Variants in FBXL7 observed in about 807,000 individuals in gnomAD.
FBXL7 encodes the protein F-box/LRR-repeat protein 7.
FBXL7 carries 12 observed loss-of-function variants against 38.3 expected under a neutral mutation model. That is an observed-to-expected ratio of 0.31 (90% CI 0.20 to 0.51). The LOEUF is 0.51. Ranked by LOEUF, FBXL7 falls within the 20% of genes least tolerant of loss-of-function variation. FBXL7 has a pLI of 0.98. For synonymous variants in FBXL7, 297 were observed against 300.9 expected, an observed-to-expected ratio of 0.99 and a Z score of 0.13; for missense variants, 567 against 676.4, an observed-to-expected ratio of 0.84 and a Z score of 1.79.
At chr5:15,692,065 G>A (rs541555853) in intron 2 of FBXL7, among the ~76,000 whole-genome samples, 1 of 152,278 alleles carries the variant, frequency 6.6e-6, no homozygotes, top group South Asian at 2.1e-4. Flanking sequence ...CCATGATGGG[G>A]TGAGAGCCAG....
chr5:15,768,355 C>T (rs890582800), intron 2 of FBXL7, among the ~76,000 whole-genome samples: 4 of 151,854 alleles, frequency 2.6e-5, no homozygotes, highest in African/African-American at 9.7e-5. Flanking sequence ...CACGGTGAAA[C>T]CCAGTCCCTA....
chr5:15,842,085 A>T (rs939673599), intron 2 of FBXL7, among the ~76,000 whole-genome samples: 1 of 152,192 alleles, frequency 6.6e-6, no homozygotes, highest in African/African-American at 2.4e-5. Context: ...TAGATCCACC[A>T]ACAGCTTGCA....
intron 2 of FBXL7, among the ~76,000 whole-genome samples, chr5:15,661,152 C>CT (rs1014773584): frequency 1.3e-5 from 2 of 151,838 alleles, no homozygotes; most frequent in Non-Finnish European, 2.9e-5. Context: ...TTTATTTCTA[C>CT]TTTTTTTTGT....
At chr5:15,765,269 TG>T (rs1219068876) in intron 2 of FBXL7, among the ~76,000 whole-genome samples, 2 of 152,128 alleles carry the variant, frequency 1.3e-5, no homozygotes, top group Non-Finnish European at 2.9e-5. Flanking sequence ...ATCTTGGTAC[TG>T]AGACGTACAT....
At chr5:15,543,687 G>A (rs1482713602) in intron 1 of FBXL7, among the ~76,000 whole-genome samples, 3 of 152,234 alleles carry the variant, frequency 2.0e-5, no homozygotes, top group South Asian at 2.1e-4. Context: ...GTTATCAGTC[G>A]CATGTGCTAA....
At chr5:15,918,700 C>G (rs1741664666) in intron 2 of FBXL7, among the ~76,000 whole-genome samples, 1 of 152,200 alleles carries the variant, frequency 6.6e-6, no homozygotes, top group Non-Finnish European at 1.5e-5. Flanking sequence ...CCATCCTCGC[C>G]AATTTCCCAC....
chr5:15,890,887 A>G (rs1310849445), intron 2 of FBXL7, among the ~76,000 whole-genome samples: 2 of 152,168 alleles, frequency 1.3e-5, no homozygotes, highest in Non-Finnish European at 2.9e-5. Context: ...CTGATCATAA[A>G]TGTGGTGATA....
chr5:15,535,404 T>C (rs1473219270), intron 1 of FBXL7, among the ~76,000 whole-genome samples: 1 of 152,178 alleles, frequency 6.6e-6, no homozygotes, highest in African/African-American at 2.4e-5. Context: ...TGTTGAATGA[T>C]TTTGACCAAA....
At chr5:15,795,323 T>A (rs1737387869) in intron 2 of FBXL7, among the ~76,000 whole-genome samples, 1 of 152,204 alleles carries the variant, frequency 6.6e-6, no homozygotes, top group African/African-American at 2.4e-5. Flanking sequence ...TATATCATCA[T>A]TTGACTAGAT....
intron 2 of FBXL7, among the ~76,000 whole-genome samples, chr5:15,706,351 C>A (rs541221537): frequency 1.3e-5 from 2 of 152,128 alleles, no homozygotes; most frequent in African/African-American, 4.8e-5. Flanking sequence ...GCCTTCTCCC[C>A]CTTTGCTTTC....
chr5:15,827,601 AAGAG>A (rs1407646365), intron 2 of FBXL7, among the ~76,000 whole-genome samples: 1 of 152,172 alleles, frequency 6.6e-6, no homozygotes, highest in Non-Finnish European at 1.5e-5. Context: ...GAGTGAGAGA[AAGAG>A]AGAAAGGGGT....
intron 1 of FBXL7, among the ~76,000 whole-genome samples, chr5:15,589,170 G>A (rs72745658): frequency 6.6e-6 from 1 of 152,116 alleles, no homozygotes; most frequent in East Asian, 1.9e-4. Context: ...ACCATTTGTT[G>A]TCTGTATTTC....
rs569086185 is a variant in FBXL7 at position 15,542,327 on chromosome 5, G to T, written c.37+41614G>T. Among the ~76,000 whole-genome samples the T allele has an allele frequency of 7.2e-5, 11 of 152,226 alleles. No individual in the cohort carries two copies. The East Asian group carries it at 2.1e-3, about 29-fold the overall frequency. ...TAATTCTACATGTGATACAGTGTGA[G>T]TATGCACATATCAAAATTTTCTTGG... On this transcript the variant is annotated intron_variant, in intron 1 of 3. Transcript: ENST00000504595.
intron 2 of FBXL7, among the ~76,000 whole-genome samples, chr5:15,728,816 T>G (rs1329306627): frequency 1.3e-5 from 2 of 152,142 alleles, no homozygotes; most frequent in Non-Finnish European, 2.9e-5. Context: ...GTAAGTCAAT[T>G]GAAATGAAAT....
intron 2 of FBXL7, among the ~76,000 whole-genome samples, chr5:15,918,293 A>G (rs1239697320): frequency 6.6e-6 from 1 of 152,110 alleles, no homozygotes; most frequent in Non-Finnish European, 1.5e-5. Context: ...AAAAGAGGGT[A>G]CTAAGAAGTT....
At chr5:15,589,321 T>TCC (rs779991685) in intron 1 of FBXL7, among the ~76,000 whole-genome samples, 13 of 152,144 alleles carry the variant, frequency 8.5e-5, no homozygotes, top group Non-Finnish European at 1.5e-4. Flanking sequence ...TGATTGAATC[T>TCC]CGGGGGTGGA....
At chr5:15,614,733 G>T (rs1295288294) in intron 1 of FBXL7, among the ~76,000 whole-genome samples, 1 of 152,182 alleles carries the variant, frequency 6.6e-6, no homozygotes, top group South Asian at 2.1e-4. Context: ...ATTGGCCAGG[G>T]CTAGGCTGTC....
rs115626192 is a variant in FBXL7, at chr5:15,927,406, T to A, written c.128-484T>A. Among the ~76,000 whole-genome samples, 972 of 152,234 alleles carry A rather than the reference T, an allele frequency of 6.4e-3. 9 individuals are homozygous for A. Among genetic ancestry groups the A allele is most frequent in the African/African-American group, 0.022 (903 of 41,532 alleles). On this transcript the variant is annotated intron_variant, in intron 2 of 3. Transcript: ENST00000504595. ...TGTGCTTGGTCCTCTGGGATGGCAT[T>A]GGCAGGAGTCGGCCCAGGGAGGACA...
At chr5:15,518,314 T>G (rs1737001902) in intron 1 of FBXL7, among the ~76,000 whole-genome samples, 1 of 152,150 alleles carries the variant, frequency 6.6e-6, no homozygotes, top group African/African-American at 2.4e-5. Context: ...ACCACAACCT[T>G]CATACTAGAC....
Sources: gnomAD v4.1 joint callset for allele counts (sites outside exome capture counted in the v4.1 genomes callset) on GRCh38, gnomAD v4.1.1 for gene constraint, MANE v1.5 for transcripts, NCBI Gene and HGNC (gene_info 2026-07-23, HGNC 2026-07-21) for gene names.